The following ZFHX2 variants were observed in gnomAD, a reference collection of about 807,000 sequenced individuals.
ZFHX2 encodes zinc finger homeobox protein 2.
In ZFHX2, 75 loss-of-function variants were observed where a neutral mutation model predicts 164.8. That is an observed-to-expected ratio of 0.46 (90% CI 0.38 to 0.55). The LOEUF is 0.55. Ranked by LOEUF, ZFHX2 falls within the 20% of genes least tolerant of loss-of-function variation. ZFHX2 has a pLI of 0.00. For missense variants in ZFHX2, 2,933 were observed against 3,308.0 expected, an observed-to-expected ratio of 0.89 and a Z score of 2.78; for synonymous variants, 1,217 against 1,351.4, an observed-to-expected ratio of 0.90 and a Z score of 2.18.
intron 6 of ZFHX2, chr14:23,528,675 C>T: frequency 1.0e-6 from 1 of 985,366 alleles, no homozygotes; most frequent in Non-Finnish European, 1.2e-6. Context: ...TCAGCAGCTC[C>T]CACCTTATTT....
At chr14:23,552,610 T>A (rs1882060479), upstream of ZFHX2, among the ~76,000 whole-genome samples, 1 of 150,480 alleles carries the variant, frequency 6.6e-6, no homozygotes, top group Admixed American at 6.6e-5. Context: ...TTTGTTTGTT[T>A]GTTTTTTTCT....
chr14:23,535,349 C>T lies in ZFHX2; in HGVS notation c.-24G>A. 6.9e-7 allele frequency: 1 copy of T among 1,441,610 alleles called. No homozygotes were observed. The highest frequency in any genetic ancestry group is 9.1e-7 in the Non-Finnish European group (1 of 1,099,784). 89.3% of individuals were successfully genotyped at this position (1,441,610 alleles called of 1,614,324 possible). ...ATGGTAGACGGAGGAGTGCTGGGGG[C>T]TCATGTCAGCGTGACAGCCAGTACC... On this transcript the variant is annotated 5_prime_UTR_variant, in exon 2 of 10. Transcript: ENST00000419474. This position sits in a 1 kb window ranked among gnomAD's most constrained non-coding sequence, Gnocchi z 4.5.
chr14:23,522,777 T>C lies in ZFHX2; in HGVS notation c.6904A>G (p.Thr2302Ala). Residue 2302 changes from threonine to alanine, a missense_variant, in exon 10 of 10, where the codon ACT (threonine) becomes GCT (alanine). Transcript: ENST00000419474. ...GAGACCTTGTCCCCCAAGGGCTCAGTAGGAGGGCCTGGGACAGGGTCAGTG... is the reference window on the plus strand; with the variant it reads ...GAGACCTTGTCCCCCAAGGGCTCAGCAGGAGGGCCTGGGACAGGGTCAGTG... ...GTTDPVPGPP[T>A]EPLGDKVSSE... The C allele has an allele frequency of 6.5e-7, 1 of 1,536,322 alleles. No individual in the cohort carries two copies. The highest frequency in any genetic ancestry group is 8.7e-7 in the Non-Finnish European group (1 of 1,146,890).
At position 23,528,045 on chromosome 14, in the gene ZFHX2, T is replaced by C. The variant is rs571990150; in HGVS notation, c.2935-241A>G. ...CCCTCAGCCTCCCAAGCAGCTGGGA[T>C]TACAGGCGTGTGCAACCACGCCCAG... On this transcript the variant is annotated intron_variant, in intron 6 of 9. Coordinates refer to ENST00000419474, the MANE Select transcript of ZFHX2 (RefSeq NM_033400.3). 1.6e-4 allele frequency among the ~76,000 whole-genome samples: 24 copies of C among 152,080 alleles called. No individual in the cohort carries two copies. In the South Asian group the frequency reaches 5.0e-3, roughly 32 times the overall value.
chr14:23,549,938 AG>A (rs1881788279), intron 1 of ZFHX2, among the ~76,000 whole-genome samples: 1 of 152,242 alleles, frequency 6.6e-6, no homozygotes, highest in African/African-American at 2.4e-5. Context: ...AAGAAAAGGT[AG>A]GAAGAGGGCA....
rs1566570702 is a variant in ZFHX2, at chr14:23,523,447, G to A, written c.6495C>T (p.Leu2165=). Reference sequence around the variant, plus strand: ...GCTTGGCCAGGTGCTGACGGGAAAAGAGATGGCCTCGGCAGGAGACATAGA... The same window carrying A: ...GCTTGGCCAGGTGCTGACGGGAAAAAAGATGGCCTCGGCAGGAGACATAGA... The part of the protein sequence containing the change: ...YDFYVSCRGH[L]FSRQHLAKLK... Residue 2165 remains leucine (L), a synonymous_variant, in exon 9 of 10, where the codon CTC becomes CTT. Transcript: ENST00000419474. The surrounding 1 kb of genome is among the most constrained non-coding windows in gnomAD (Gnocchi z 4.1). 6.5e-7 allele frequency: 1 copy of A among 1,535,772 alleles called. No homozygotes were observed. The highest frequency in any genetic ancestry group is 8.7e-7 in the Non-Finnish European group (1 of 1,146,662).
Position 23,526,050 on chromosome 14 carries a change from C to T in ZFHX2, c.3892G>A (p.Gly1298Ser). Residue 1298 changes from glycine (G) to serine (S), a missense_variant, in exon 9 of 10, where the codon GGC becomes AGC. By Grantham distance (56) the Gly-to-Ser change is moderately conservative (BLOSUM62 0). Transcript: ENST00000419474. ...PERSQEEPKE[G>S]ETEGEVGTEK... The stretch of plus-strand genomic sequence containing the variant: ...GTGCCCACCTCCCCCTCTGTCTCGC[C>T]TTCCTTGGGCTCTTCTTGGCTGCGT... 1 of 1,536,514 alleles carries T rather than the reference C, an allele frequency of 6.5e-7. No homozygotes were observed. The highest frequency in any genetic ancestry group is 8.7e-7 in the Non-Finnish European group (1 of 1,146,948).
Position 23,544,647 on chromosome 14 carries a change from C to G in ZFHX2, c.-50+6696G>C, listed in dbSNP as rs114261046. ...CCGTATGTGGTTGGCCCGGCTGGCG[C>G]GGGCGTGTTTAGGGTGGTGGTAATT... On this transcript the variant is annotated intron_variant, in intron 1 of 9. Coordinates refer to ENST00000419474, the MANE Select transcript of ZFHX2 (RefSeq NM_033400.3). 4.5e-3 allele frequency among the ~76,000 whole-genome samples: 680 copies of G among 152,290 alleles called. 3 individuals carry two copies. Among genetic ancestry groups the G allele is most frequent in the Non-Finnish European group, 7.2e-3 (488 of 68,034 alleles).
Position 23,534,001 on chromosome 14 carries a change from G to A in ZFHX2, c.1325C>T (p.Ser442Phe). The part of the protein sequence containing the change: ...FQGLSLSSHM[S>F]LLHSRNSCKT... ...GCAGGAGTTGCGTGAGTGGAGCAGG[G>A]ACATGTGGCTGGACAGGCTGAGGCC... is the stretch of plus-strand genomic sequence containing the variant. The change falls in exon 2 of 10, where the codon TCC (serine) becomes TTC (phenylalanine). Residue 442 changes from serine to phenylalanine, a missense_variant. Transcript: ENST00000419474. The surrounding 1 kb of genome is among the most constrained non-coding windows in gnomAD (Gnocchi z 4.5). 6.5e-7 allele frequency: 1 copy of A among 1,537,346 alleles called. No individual in the cohort carries two copies. The highest frequency in any genetic ancestry group is 8.7e-7 in the Non-Finnish European group (1 of 1,146,932).
At chr14:23,528,824 C>T in intron 6 of ZFHX2, 1 of 985,388 alleles carries the variant, frequency 1.0e-6, no homozygotes, top group Non-Finnish European at 1.2e-6. Flanking sequence ...GCCAGAGGCC[C>T]CACCATCACC....
intron 4 of ZFHX2, chr14:23,530,801 A>G (rs1257873152): frequency 1.2e-5 from 3 of 255,916 alleles, no homozygotes; most frequent in East Asian, 1.3e-4. Flanking sequence ...GCACCAGTCA[A>G]TGCTGCGTGT....
Position 23,526,983 on chromosome 14 carries a change from GA to G in ZFHX2, c.3136-11del. 6.7e-7 allele frequency: 1 copy of G among 1,498,728 alleles called. No individual in the cohort carries two copies. Among genetic ancestry groups the G allele is most frequent in the Non-Finnish European group, 8.9e-7 (1 of 1,129,856 alleles). The allele number at this position is 1,498,728 out of a possible 1,614,324, so 92.8% of individuals were successfully genotyped here. On this transcript the variant is annotated splice_polypyrimidine_tract_variant and intron_variant, in intron 7 of 9. Transcript: ENST00000419474. ...TTTCTACAGTTGTAGCCTGCAATGA[GA>G]AAAAGCCTAGTGGCTTCACCACCAC...
chr14:23,527,283 C>T (rs754520296), intron 7 of ZFHX2, among the ~76,000 whole-genome samples: 1 of 152,208 alleles, frequency 6.6e-6, no homozygotes, highest in Admixed American at 6.5e-5. Context: ...GAAACAGAAG[C>T]CTCTGCCTCA....
At chr14:23,529,896 T>C in intron 5 of ZFHX2, 128 bp from the exon 6 acceptor site, 1 of 1,040,954 alleles carries the variant, frequency 9.6e-7, no homozygotes, top group South Asian at 1.4e-5. Context: ...AGGTGAGGCT[T>C]GGCAAGGGCT....
Position 23,524,874 on chromosome 14 carries a change from TGA to T in ZFHX2, c.5066_5067del (p.Leu1689GlnfsTer5). ...FSCVFELVRH[L>X]KKCYDDQTLE... ...AGGGTCTGGTCATCATAGCACTTCT[TGA>T]GGTGGCGCACCAACTCAAAAACACA... On this transcript the variant is annotated frameshift_variant, in exon 9 of 10. Transcript: ENST00000419474. LOFTEE classifies it high-confidence loss of function. This position sits in a 1 kb window ranked among gnomAD's most constrained non-coding sequence, Gnocchi z 5.6. The T allele has an allele frequency of 6.5e-7, 1 of 1,536,488 alleles. No homozygotes were observed. The highest frequency in any genetic ancestry group is 8.7e-7 in the Non-Finnish European group (1 of 1,146,958).
chr14:23,532,706 A>C lies in ZFHX2; in HGVS notation c.2420T>G (p.Leu807Arg). The change falls in exon 3 of 10, where the codon CTG becomes CGG. Residue 807 changes from leucine to arginine, a missense_variant. Leu to Arg is a moderately radical substitution (Grantham distance 102). Transcript: ENST00000419474. ...GAMGTPSPAS[L>R]GDGAPYGSVS... Reference sequence around the variant, plus strand: ...AGACCCATAAGGAGCCCCATCTCCCAGGGATGCTGGGGAAGGGGTGCCCAT... The same window carrying C: ...AGACCCATAAGGAGCCCCATCTCCCCGGGATGCTGGGGAAGGGGTGCCCAT... The C allele has an allele frequency of 6.5e-7, 1 of 1,533,622 alleles. No homozygotes were observed. Among genetic ancestry groups the C allele is most frequent in the South Asian group, 1.2e-5 (1 of 83,692 alleles).
At position 23,532,935 on chromosome 14, in the gene ZFHX2, T is replaced by G. The variant is rs1490152137; in HGVS notation, c.2191A>C (p.Ser731Arg). 7 of 1,536,182 alleles carry G rather than the reference T, an allele frequency of 4.6e-6. No individual in the cohort carries two copies. Among genetic ancestry groups the G allele is most frequent in the Non-Finnish European group, 6.1e-6 (7 of 1,146,916 alleles). Residue 731 changes from serine to arginine, a missense_variant, in exon 3 of 10, where the codon AGC becomes CGC. Coordinates refer to ENST00000419474, the MANE Select transcript of ZFHX2 (RefSeq NM_033400.3). Reference sequence around the variant, plus strand: ...CAGTGGTAGAGCAGCAGCTCCAGGCTGTCTGTGCTGAAGGCCTGGCACACT... The same window carrying G: ...CAGTGGTAGAGCAGCAGCTCCAGGCGGTCTGTGCTGAAGGCCTGGCACACT... ...CLVCQAFSTD[S>R]LELLLYHCSI...
intron 1 of ZFHX2, among the ~76,000 whole-genome samples, chr14:23,548,609 G>A (rs1881633013): frequency 6.6e-6 from 1 of 152,166 alleles, no homozygotes; most frequent in Admixed American, 6.5e-5. Context: ...TGAAGTTTAT[G>A]GGAATTCTAC....
chr14:23,523,317 G>C lies in ZFHX2; in HGVS notation c.6625C>G (p.Pro2209Ala). Residue 2209 changes from proline to alanine, a missense_variant, in exon 9 of 10, where the codon CCT becomes GCT. Physicochemically the swap from Pro to Ala is conservative, Grantham distance 27. Transcript: ENST00000419474. This position sits in a 1 kb window ranked among gnomAD's most constrained non-coding sequence, Gnocchi z 4.1. Reference protein sequence around the residue: ...PALKAPPATTPASMPLGAAPT... With the variant: ...PALKAPPATTAASMPLGAAPT... ...GCAGCCCCGAGGGGCATGGAGGCAG[G>C]TGTGGTGGCAGGTGGGGCCTTGAGA... The C allele has an allele frequency of 6.9e-7, 1 of 1,453,256 alleles. No individual in the cohort carries two copies. The highest frequency in any genetic ancestry group is 9.0e-7 in the Non-Finnish European group (1 of 1,107,222). 90.0% of individuals were successfully genotyped at this position (1,453,256 alleles called of 1,614,324 possible). A position where few individuals can be genotyped will look rare whatever the true frequency, so the allele number is the denominator to read the frequency against.
Sources: allele counts gnomAD v4.1 joint callset (sites outside exome capture counted in the v4.1 genomes callset), GRCh38; gene constraint gnomAD v4.1.1; non-coding constraint Gnocchi (gnomAD v3.1); transcripts MANE v1.5; gene names NCBI Gene and HGNC (gene_info 2026-07-23, HGNC 2026-07-21).